The following THSD7B variants were observed in gnomAD, a reference collection of about 807,000 sequenced individuals.
THSD7B encodes thrombospondin type 1 domain containing 7B.
Under a neutral mutation model 213.6 loss-of-function variants are expected in THSD7B, and 138 were observed. That is an observed-to-expected ratio of 0.65 (90% confidence interval 0.56 to 0.74). The LOEUF is 0.74. Ranked by LOEUF, THSD7B falls within the 30% of genes least tolerant of loss-of-function variation. The probability of loss-of-function intolerance (pLI) is 0.00; values close to 1 mark genes in which losing one functional copy is unlikely to be tolerated. For missense variants in THSD7B, 1,931 were observed against 1,991.5 expected, an observed-to-expected ratio of 0.97 and a Z score of 0.58; for synonymous variants, 742 against 687.0, an observed-to-expected ratio of 1.08 and a Z score of -1.25.
At chr2:136,767,456 A>AGTGTGT (rs6146926) in intron 1 of THSD7B, among the ~76,000 whole-genome samples, 7,295 of 146,658 alleles carry the variant, frequency 0.05, 598 homozygotes, top group African/African-American at 0.17. Context: ...ATCCCTGGGA[A>AGTGTGT]GTGTGTGTGT....
intron 15 of THSD7B, among the ~76,000 whole-genome samples, chr2:137,464,736 A>AC (rs1687958047): frequency 6.6e-6 from 1 of 152,060 alleles, no homozygotes; most frequent in Admixed American, 6.6e-5. Context: ...TGCTCAATTG[A>AC]CTGTTTAAAA....
intron 2 of THSD7B, among the ~76,000 whole-genome samples, chr2:137,014,391 G>A (rs573702413): frequency 3.7e-4 from 57 of 152,240 alleles, no homozygotes; most frequent in Admixed American, 7.2e-4. Context: ...GCATGATGGT[G>A]GTCATTTCCT....
chr2:137,197,341 T>G (rs1157692685), intron 7 of THSD7B, among the ~76,000 whole-genome samples: 4 of 152,176 alleles, frequency 2.6e-5, no homozygotes, highest in Non-Finnish European at 5.9e-5. Flanking sequence ...GAGGATGTGC[T>G]AAAAGCTAAA....
At chr2:137,589,984 A>T (rs1292744108) in intron 17 of THSD7B, among the ~76,000 whole-genome samples, 2 of 152,074 alleles carry the variant, frequency 1.3e-5, no homozygotes, top group Non-Finnish European at 2.9e-5. Context: ...GTGTTTAAAA[A>T]TCATAGAAAA....
At chr2:137,523,677 G>A (rs1680227580) in intron 15 of THSD7B, among the ~76,000 whole-genome samples, 1 of 152,094 alleles carries the variant, frequency 6.6e-6, no homozygotes, top group South Asian at 2.1e-4. Context: ...AGTCAGGTAT[G>A]TGCCCACTTC....
chr2:137,400,605 G>A (rs1267433688), intron 12 of THSD7B, among the ~76,000 whole-genome samples: 1 of 152,142 alleles, frequency 6.6e-6, no homozygotes, highest in East Asian at 1.9e-4. Context: ...ACGCAATGAG[G>A]GATGGCAGTG....
intron 3 of THSD7B, among the ~76,000 whole-genome samples, chr2:137,073,021 G>T (rs375184029): frequency 0.096 from 14,638 of 151,920 alleles, 957 homozygotes; most frequent in African/African-American, 0.19. Flanking sequence ...TTTTATTGAG[G>T]ATTTTTGCAT....
chr2:137,545,192 T>G (rs1014087471), intron 15 of THSD7B, among the ~76,000 whole-genome samples: 4 of 151,910 alleles, frequency 2.6e-5, no homozygotes, highest in African/African-American at 9.7e-5. Context: ...CTTCGTATTT[T>G]AATCCTAATC....
chr2:137,113,177 C>A (rs1200620632), intron 4 of THSD7B, among the ~76,000 whole-genome samples: 2 of 152,054 alleles, frequency 1.3e-5, no homozygotes, highest in East Asian at 3.9e-4. Context: ...AATCATCCAC[C>A]CCAACATTCT....
intron 2 of THSD7B, among the ~76,000 whole-genome samples, chr2:136,984,374 G>C (rs945254978): frequency 1.3e-5 from 2 of 152,214 alleles, no homozygotes; most frequent in Non-Finnish European, 2.9e-5. Flanking sequence ...CCATCCTCTA[G>C]AAAATAAGGA....
intron 7 of THSD7B, among the ~76,000 whole-genome samples, chr2:137,217,489 A>G (rs897451968): frequency 1.3e-5 from 2 of 152,142 alleles, no homozygotes; most frequent in African/African-American, 2.4e-5. Context: ...GAAGTAGCCA[A>G]TGCAAACTTA....
At chr2:137,272,406 C>T (rs551274606) in intron 10 of THSD7B, 127 bp from the exon 11 acceptor site, 29 of 866,824 alleles carry the variant, frequency 3.3e-5, no homozygotes, top group Non-Finnish European at 4.1e-5. Context: ...TTGTTATTTT[C>T]GTTCCCAGGT....
rs150181886 is a variant in THSD7B, at chr2:137,593,481, A to C, written c.3423+20925A>C. Among the ~76,000 whole-genome samples, 56 of 152,050 alleles carry C rather than the reference A, an allele frequency of 3.7e-4. 1 individual carries two copies. In the East Asian group the frequency reaches 0.01, roughly 28 times the overall value. The stretch of plus-strand genomic sequence containing the variant: ...ATTTTAGCTATTCTGCTGGATATAC[A>C]GTAATATCTTTTAGTGATTTTAATT... On this transcript the variant is annotated intron_variant, in intron 17 of 27. Transcript: ENST00000409968.
intron 20 of THSD7B, among the ~76,000 whole-genome samples, chr2:137,631,347 T>C (rs1460703047): frequency 6.6e-6 from 1 of 152,182 alleles, no homozygotes; most frequent in African/African-American, 2.4e-5. Flanking sequence ...TCATGAATTA[T>C]TCATAATTAT....
intron 27 of THSD7B, among the ~76,000 whole-genome samples, chr2:137,670,689 A>G (rs968489188): frequency 6.6e-6 from 1 of 152,242 alleles, no homozygotes; most frequent in Admixed American, 6.5e-5. Flanking sequence ...TGGGAGGCCA[A>G]GGCGGGCGGA....
intron 12 of THSD7B, among the ~76,000 whole-genome samples, chr2:137,329,971 G>A (rs544802244): frequency 1.3e-5 from 2 of 152,306 alleles, no homozygotes; most frequent in Admixed American, 1.3e-4. Context: ...GGGACTTGAT[G>A]CCGTGCATCT....
chr2:136,879,336 G>T (rs978792421), intron 1 of THSD7B, among the ~76,000 whole-genome samples: 1 of 152,166 alleles, frequency 6.6e-6, no homozygotes, highest in East Asian at 1.9e-4. Flanking sequence ...AGTATAGTTT[G>T]AAGTCAGGTA....
At chr2:137,006,361 C>T (rs902332489) in intron 2 of THSD7B, among the ~76,000 whole-genome samples, 4 of 152,160 alleles carry the variant, frequency 2.6e-5, no homozygotes, top group Non-Finnish European at 5.9e-5. Context: ...CACCACTGCA[C>T]TCCAGCCTGG....
At chr2:137,406,448 A>C (rs1686520913) in intron 13 of THSD7B, among the ~76,000 whole-genome samples, 1 of 152,222 alleles carries the variant, frequency 6.6e-6, no homozygotes, top group Non-Finnish European at 1.5e-5. Context: ...ACGTGCCTAG[A>C]TAAAAATGCC....
Sources: allele counts gnomAD v4.1 joint callset (sites outside exome capture counted in the v4.1 genomes callset), GRCh38; gene constraint gnomAD v4.1.1; transcripts MANE v1.5; gene names NCBI Gene and HGNC (gene_info 2026-07-23, HGNC 2026-07-21).